Variants in FGFR2 observed in about 807,000 individuals in gnomAD.
FGFR2 encodes fibroblast growth factor receptor 2.
FGFR2 carries 19 observed loss-of-function variants against 95.9 expected under a neutral mutation model. The ratio of observed to expected loss-of-function variants is 0.20; its 90% confidence interval spans 0.14 to 0.29. The LOEUF is 0.29. FGFR2 is among the 10% of genes least tolerant of loss of function. FGFR2 has a pLI of 1.00. For synonymous variants in FGFR2, 392 were observed against 393.3 expected, an observed-to-expected ratio of 1.00 and a Z score of 0.04; for missense variants, 707 against 1,056.9, an observed-to-expected ratio of 0.67 and a Z score of 4.59.
chr10:121,480,384 G>C (rs1171843889), intron 17 of FGFR2: 1 of 374,634 alleles, frequency 2.7e-6, no homozygotes, highest in Non-Finnish European at 5.0e-6. Flanking sequence ...GCTTCACACG[G>C]ACCTAAATAA....
At chr10:121,589,825 G>A (rs942679532) in intron 2 of FGFR2, among the ~76,000 whole-genome samples, 20 of 152,236 alleles carry the variant, frequency 1.3e-4, no homozygotes, top group African/African-American at 4.8e-4. Context: ...TCAAGTTACA[G>A]TCAACTCTTA....
chr10:121,572,807 G>A (rs879512944), intron 2 of FGFR2, among the ~76,000 whole-genome samples: 21 of 152,136 alleles, frequency 1.4e-4, no homozygotes, highest in Non-Finnish European at 2.5e-4. Context: ...CTGACTCTCC[G>A]AGCCCCTCAG....
rs1458850302 is a variant in FGFR2 at position 121,590,649 on chromosome 10, T to C, written c.109+3060A>G. On this transcript the variant is annotated intron_variant, in intron 2 of 17. Coordinates refer to ENST00000358487, the MANE Select transcript of FGFR2 (RefSeq NM_000141.5). ...CAGAACGTGTCCAGAAGACAAATGATATATATGATATATGATATGACATAT... is the reference window on the plus strand; with the variant it reads ...CAGAACGTGTCCAGAAGACAAATGACATATATGATATATGATATGACATAT... Among the ~76,000 whole-genome samples the C allele has an allele frequency of 2.0e-5, 3 of 152,178 alleles. No individual in the cohort carries two copies. The East Asian group carries it at 5.8e-4, about 29-fold the overall frequency.
At chr10:121,525,723 T>C (rs1468969419) in intron 6 of FGFR2, among the ~76,000 whole-genome samples, 2 of 152,172 alleles carry the variant, frequency 1.3e-5, no homozygotes. Context: ...CCAGTCCTCC[T>C]CTGGACATAG....
chr10:121,538,383 T>TCATG, intron 6 of FGFR2: 1 of 820,322 alleles, frequency 1.2e-6, no homozygotes, highest in Non-Finnish European at 2.2e-6. Flanking sequence ...ACCATGAGGA[T>TCATG]CATGCAAAGC....
At chr10:121,537,446 C>A (rs145772425) in intron 6 of FGFR2, among the ~76,000 whole-genome samples, 28 of 152,230 alleles carry the variant, frequency 1.8e-4, no homozygotes, top group African/African-American at 6.7e-4. Context: ...GTTAATCAAG[C>A]TTTTGGATTA....
chr10:121,508,836 T>G (rs900920301), intron 9 of FGFR2, among the ~76,000 whole-genome samples: 6 of 152,256 alleles, frequency 3.9e-5, no homozygotes, highest in Non-Finnish European at 8.8e-5. Context: ...AGGTATATCT[T>G]AATTTTACCT....
intron 1 of FGFR2, among the ~76,000 whole-genome samples, chr10:121,597,491 A>C (rs1387897531): frequency 1.3e-5 from 2 of 151,940 alleles, no homozygotes; most frequent in Non-Finnish European, 2.9e-5. Context: ...CACCGGCCCC[A>C]CCCCAGCGGC....
chr10:121,539,504 C>T (rs1243833931), intron 5 of FGFR2, among the ~76,000 whole-genome samples: 2 of 152,204 alleles, frequency 1.3e-5, no homozygotes, highest in Non-Finnish European at 2.9e-5. Context: ...CTTATGTTCT[C>T]CCCCTGCTTT....
intron 11 of FGFR2, among the ~76,000 whole-genome samples, chr10:121,499,055 G>T (rs1330187663): frequency 6.6e-6 from 1 of 152,174 alleles, no homozygotes; most frequent in Admixed American, 6.5e-5. Flanking sequence ...AGAGCGTTCC[G>T]AGGTGGGTTC....
In FGFR2 at chr10:121,598,169, G is replaced by A. The variant is rs41301545; in HGVS notation, c.-358C>T. 591 of 398,170 alleles carry A rather than the reference G, an allele frequency of 1.5e-3. No individual in the cohort carries two copies. Among genetic ancestry groups the A allele is most frequent in the African/African-American group, 0.011 (544 of 48,724 alleles). 24.7% of individuals were successfully genotyped at this position (398,170 alleles called of 1,614,324 possible). ...GGCATGACGCCCGCGGGCTGCCCTC[G>A]GATTTGGGGAACGAGAGGAAGAAAG... On this transcript the variant is annotated 5_prime_UTR_variant, in exon 1 of 18. Coordinates refer to ENST00000358487, the MANE Select transcript of FGFR2 (RefSeq NM_000141.5).
chr10:121,557,406 TCAGGTGATCCTCCCACCTGAGCCTCC>T (rs1439105611), intron 4 of FGFR2, among the ~76,000 whole-genome samples: 3 of 152,136 alleles, frequency 2.0e-5, no homozygotes, highest in African/African-American at 7.2e-5. Flanking sequence ...CCTCCTGGGC[TCAGGTGATCCTCCCACCTGAGCCTCC>T]CAAGTAACTG....
At chr10:121,571,202 G>A (rs140720051) in intron 2 of FGFR2, among the ~76,000 whole-genome samples, 15 of 150,428 alleles carry the variant, frequency 1.0e-4, no homozygotes, top group East Asian at 3.9e-4. Flanking sequence ...TCACCATGTT[G>A]GCCAGGATGA....
At chr10:121,570,340 C>T (rs1858446065) in intron 2 of FGFR2, among the ~76,000 whole-genome samples, 1 of 152,208 alleles carries the variant, frequency 6.6e-6, no homozygotes, top group African/African-American at 2.4e-5. Context: ...TGACCTGGCC[C>T]CAGGCTGCGC....
chr10:121,524,129 CA>C (rs1850966776), intron 6 of FGFR2, among the ~76,000 whole-genome samples: 1 of 149,094 alleles, frequency 6.7e-6, no homozygotes, highest in African/African-American at 2.4e-5. Context: ...CACACACACA[CA>C]CACACACACA....
intron 9 of FGFR2, among the ~76,000 whole-genome samples, chr10:121,509,206 G>C (rs956799910): frequency 3.3e-5 from 5 of 152,074 alleles, no homozygotes; most frequent in African/African-American, 9.7e-5. Flanking sequence ...TGATAAGTGA[G>C]TTACTTATAA....
At chr10:121,597,696 C>T (rs45631558) in intron 1 of FGFR2, among the ~76,000 whole-genome samples, 4,653 of 152,356 alleles carry the variant, frequency 0.031, 68 homozygotes, top group South Asian at 0.058. Context: ...CAGGGTTTGA[C>T]AGGGAGGGGG....
intron 2 of FGFR2, among the ~76,000 whole-genome samples, chr10:121,590,730 G>A (rs1862508801): frequency 6.6e-6 from 1 of 152,060 alleles, no homozygotes; most frequent in Non-Finnish European, 1.5e-5. Flanking sequence ...TTTCCCTGAG[G>A]GGCCAAAAGA....
At chr10:121,568,458 G>T (rs1447518009) in intron 2 of FGFR2, among the ~76,000 whole-genome samples, 1 of 152,108 alleles carries the variant, frequency 6.6e-6, no homozygotes, top group East Asian at 1.9e-4. Flanking sequence ...CTCTTAGCCA[G>T]AATTGATCAC....
Sources: gnomAD v4.1 joint callset for allele counts (sites outside exome capture counted in the v4.1 genomes callset) on GRCh38, gnomAD v4.1.1 for gene constraint, MANE v1.5 for transcripts, NCBI Gene and HGNC (gene_info 2026-07-23, HGNC 2026-07-21) for gene names.